Variants in GAS2L3 observed in about 807,000 individuals in gnomAD.
The protein encoded by GAS2L3 is growth arrest specific 2 like 3, also known as GAS2-like protein 3.
In GAS2L3, 28 loss-of-function variants were observed where a neutral mutation model predicts 37.0. The ratio of observed to expected loss-of-function variants is 0.76; its 90% CI spans 0.56 to 1.04. The LOEUF is 1.04. GAS2L3 is among the 50% of genes least tolerant of loss of function. The pLI, the probability that GAS2L3 is intolerant of heterozygous loss-of-function variation, is 0.00. For synonymous variants in GAS2L3, 290 were observed against 296.6 expected, an observed-to-expected ratio of 0.98 and a Z score of 0.23; for missense variants, 793 against 817.6, an observed-to-expected ratio of 0.97 and a Z score of 0.37.
intron 1 of GAS2L3, among the ~76,000 whole-genome samples, chr12:100,589,409 G>A (rs1955819193): frequency 6.6e-6 from 1 of 151,990 alleles, no homozygotes; most frequent in African/African-American, 2.4e-5. Flanking sequence ...AAACACTGCT[G>A]AAACAAATCA....
At chr12:100,616,696 G>T (rs541370721) in intron 6 of GAS2L3, among the ~76,000 whole-genome samples, 1 of 152,136 alleles carries the variant, frequency 6.6e-6, no homozygotes, top group Admixed American at 6.5e-5. Context: ...CGATCTTCCC[G>T]CCTCAGTCTC....
chr12:100,613,808 G>A lies in GAS2L3; in HGVS notation c.445+1667G>A, dbSNP rs984407196. The stretch of plus-strand genomic sequence containing the variant: ...GCTGGGTTACACCATGTTAGCCAGG[G>A]TGGTCTCAATCTCCTGACCTCATGA... On this transcript the variant is annotated intron_variant, in intron 6 of 9. Transcript: ENST00000547754. Among the ~76,000 whole-genome samples, 28 of 151,744 alleles carry A rather than the reference G, an allele frequency of 1.8e-4. 2 individuals are homozygous for A. In the East Asian group the frequency reaches 2.1e-3, roughly 12 times the overall value.
At chr12:100,600,686 T>TGAGACCAAGGG in intron 4 of GAS2L3, 136 bp downstream of exon 4, 1 of 732,472 alleles carries the variant, frequency 1.4e-6, no homozygotes, top group Non-Finnish European at 2.3e-6. Flanking sequence ...GTGCCCTTGG[T>TGAGACCAAGGG]CTCACCCAGG....
At chr12:100,576,775 C>T (rs1473556731) in intron 1 of GAS2L3, among the ~76,000 whole-genome samples, 3 of 152,120 alleles carry the variant, frequency 2.0e-5, no homozygotes, top group African/African-American at 7.2e-5. Flanking sequence ...TAACAGAAAG[C>T]CACCATGTAT....
Position 100,612,024 on chromosome 12 carries a change from T to C in GAS2L3, c.328T>C (p.Cys110Arg), listed in dbSNP as rs982330582. The change falls in exon 6 of 10, where the codon TGT (cysteine) becomes CGT (arginine). Residue 110 changes from cysteine to arginine, a missense_variant. By Grantham distance (180) the Cys-to-Arg change is radical. Transcript: ENST00000547754. ...SGNFPMRKVP[C>R]KKDAASGSFF... is the part of the protein sequence containing the mutation. ...GAATTTTCCAATGAGAAAAGTGCCC[T>C]GTAAGAAAGATGCTGCATCAGGTTC... 3 of 1,610,972 alleles carry C rather than the reference T, an allele frequency of 1.9e-6. No individual in the cohort carries two copies. Among genetic ancestry groups the C allele is most frequent in the Admixed American group, 1.7e-5 (1 of 59,906 alleles).
At chr12:100,577,198 G>T (rs1384823992) in intron 1 of GAS2L3, among the ~76,000 whole-genome samples, 1 of 152,166 alleles carries the variant, frequency 6.6e-6, no homozygotes, top group Admixed American at 6.5e-5. Context: ...ATAGCTCTGT[G>T]TTATTCTTTG....
intron 5 of GAS2L3, among the ~76,000 whole-genome samples, chr12:100,611,419 A>G (rs1425887358): frequency 6.6e-6 from 1 of 152,202 alleles, no homozygotes; most frequent in Non-Finnish European, 1.5e-5. Flanking sequence ...TTTTAAAAAG[A>G]AAGAGGTGAG....
chr12:100,592,493 G>C (rs952522553), intron 2 of GAS2L3: 1 of 152,110 alleles, frequency 6.6e-6, no homozygotes, highest in Non-Finnish European at 1.5e-5. Context: ...GATCGGTTCA[G>C]TAGTTGGTGT....
intron 1 of GAS2L3, among the ~76,000 whole-genome samples, chr12:100,574,283 GAGAC>G (rs1364044945): frequency 6.6e-6 from 1 of 152,190 alleles, no homozygotes; most frequent in Admixed American, 6.5e-5. Context: ...CAAAGAGAAA[GAGAC>G]AGACAGTTAT....
In GAS2L3 at chr12:100,580,071, T is replaced by C. The variant is rs2136377818; in HGVS notation, c.-152+6286T>C. The C allele has an allele frequency of 4.2e-6, 6 of 1,426,064 alleles. No individual in the cohort carries two copies. In the South Asian group the frequency reaches 6.9e-5, roughly 16 times the overall value. 88.3% of individuals were successfully genotyped at this position (1,426,064 alleles called of 1,614,324 possible). A position where few individuals can be genotyped will look rare whatever the true frequency, so the allele number is the denominator to read the frequency against. ...CTTCCTCTTCCTCATTTTCTTGAGATGGATGACTCCAGATTCTTATCATTG... is the reference window on the plus strand; with the variant it reads ...CTTCCTCTTCCTCATTTTCTTGAGACGGATGACTCCAGATTCTTATCATTG... On this transcript the variant is annotated intron_variant, in intron 1 of 9. Coordinates refer to ENST00000547754, the MANE Select transcript of GAS2L3 (RefSeq NM_174942.3).
intron 6 of GAS2L3, among the ~76,000 whole-genome samples, chr12:100,617,256 G>A (rs1956199441): frequency 1.3e-5 from 2 of 152,016 alleles, no homozygotes; most frequent in Admixed American, 1.3e-4. Flanking sequence ...AAGACATATT[G>A]GGTTTTAGTT....
In GAS2L3 at chr12:100,608,180, TAG is replaced by T. The variant is rs1333609465; in HGVS notation, c.304-3816_304-3815del. ...TGGAAGAATTCTCTGCATTACCAGG[TAG>T]AGATTCTTGTGTGTGCGTGTGGGTT... On this transcript the variant is annotated intron_variant, in intron 5 of 9. Coordinates refer to ENST00000547754, the MANE Select transcript of GAS2L3 (RefSeq NM_174942.3). 2.6e-5 allele frequency among the ~76,000 whole-genome samples: 4 copies of T among 152,160 alleles called. No individual in the cohort carries two copies. In the East Asian group the frequency reaches 5.8e-4, roughly 22 times the overall value.
chr12:100,594,718 A>T (rs187297885), intron 2 of GAS2L3, 157 bp from the exon 3 acceptor site: 220 of 349,170 alleles, frequency 6.3e-4, no homozygotes, highest in African/African-American at 4.4e-3. Context: ...AAAAGGAGTG[A>T]TATGAATTTT....
intron 3 of GAS2L3, among the ~76,000 whole-genome samples, chr12:100,596,796 C>T (rs553425706): frequency 6.6e-6 from 1 of 152,144 alleles, no homozygotes; most frequent in Non-Finnish European, 1.5e-5. Context: ...CTGACAAAGG[C>T]TATGAAGTCA....
intron 6 of GAS2L3, among the ~76,000 whole-genome samples, chr12:100,613,350 G>A (rs764826897): frequency 6.6e-6 from 1 of 152,154 alleles, no homozygotes; most frequent in Non-Finnish European, 1.5e-5. Flanking sequence ...AGGTCTCAAA[G>A]ATGAGCCTCT....
intron 1 of GAS2L3, 170 bp downstream of exon 1, chr12:100,573,955 T>A (rs1326180339): frequency 6.6e-6 from 1 of 152,290 alleles, no homozygotes; most frequent in East Asian, 1.9e-4. Flanking sequence ...TGCGTTTGCC[T>A]GGCTGCGGCA....
chr12:100,620,899 G>T (rs1401330488), intron 8 of GAS2L3, among the ~76,000 whole-genome samples: 3 of 152,028 alleles, frequency 2.0e-5, no homozygotes. Context: ...TATGCACATG[G>T]TGTGTATGTT....
intron 1 of GAS2L3, among the ~76,000 whole-genome samples, chr12:100,580,614 TACA>T (rs1403769884): frequency 3.3e-5 from 5 of 152,232 alleles, no homozygotes; most frequent in Non-Finnish European, 7.3e-5. Context: ...TTCAGGGAAG[TACA>T]ACAACTATAT....
At chr12:100,580,205 C>G (rs1425923747) in intron 1 of GAS2L3, 1 of 662,242 alleles carries the variant, frequency 1.5e-6, no homozygotes, top group Non-Finnish European at 2.8e-6. Flanking sequence ...TAGAAGAGAG[C>G]CTACATTGTA....
Sources: allele counts gnomAD v4.1 joint callset (sites outside exome capture counted in the v4.1 genomes callset), GRCh38; gene constraint gnomAD v4.1.1; transcripts MANE v1.5; gene names NCBI Gene and HGNC (gene_info 2026-07-23, HGNC 2026-07-21).